The following GABRR2 variants were observed in gnomAD, a reference collection of about 807,000 sequenced individuals.
The protein encoded by GABRR2 is gamma-aminobutyric acid type A receptor subunit rho2.
A neutral mutation model predicts 47.0 loss-of-function variants in GABRR2; 36 were observed. The ratio of observed to expected loss-of-function variants is 0.77; its 90% CI spans 0.59 to 1.01. GABRR2 has a LOEUF of 1.01. Among genes scored for constraint, GABRR2 ranks in the 50% least tolerant of loss-of-function variants. GABRR2 has a pLI of 0.00. For synonymous variants in GABRR2, 204 were observed against 227.5 expected (o/e 0.90, Z 0.93); for missense variants, 587 against 594.6 (o/e 0.99, Z 0.13).
intron 1 of GABRR2, among the ~76,000 whole-genome samples, chr6:89,304,281 A>G (rs1359692607): frequency 1.3e-5 from 2 of 152,226 alleles, no homozygotes; most frequent in Non-Finnish European, 2.9e-5. Context: ...AAAAGTAGGC[A>G]AAAAGTGGGC....
chr6:89,295,729 T>C (rs968444029), intron 2 of GABRR2, among the ~76,000 whole-genome samples: 2 of 152,106 alleles, frequency 1.3e-5, no homozygotes, highest in East Asian at 3.9e-4. Context: ...TGGTATTGCC[T>C]AGGTTTTCTT....
chr6:89,269,260 C>G (rs777756660), intron 3 of GABRR2, 26 bp from the exon 4 acceptor site: 1 of 1,578,600 alleles, frequency 6.3e-7, no homozygotes, highest in South Asian at 1.1e-5. Flanking sequence ...TGAGACCAGA[C>G]AAAAATGGCT....
At position 89,264,546 on chromosome 6, in the gene GABRR2, C is replaced by T. The variant is rs760231917; in HGVS notation, c.952G>A (p.Val318Ile). The change falls in exon 8 of 9, where the codon GTC becomes ATC. Residue 318 changes from valine (V) to isoleucine (I), a missense_variant. Physicochemically the swap from Val to Ile is conservative, Grantham distance 29. Coordinates refer to ENST00000402938, the MANE Select transcript of GABRR2 (RefSeq NM_002043.5). ...ITGVNASMPR[V>I]SYVKAVDIYL... ...ATGTCCACGGCCTTGACGTAGGAGA[C>T]GCGCGGCATGGAGGCATTCACGCCC... The T allele has an allele frequency of 2.2e-5, 35 of 1,613,986 alleles. No homozygotes were observed. The East Asian group carries it at 3.3e-4, about 15-fold the overall frequency.
At chr6:89,314,247 G>A (rs1039173061) in intron 1 of GABRR2, among the ~76,000 whole-genome samples, 2 of 152,208 alleles carry the variant, frequency 1.3e-5, no homozygotes, top group African/African-American at 2.4e-5. Context: ...CTGATGCTTA[G>A]TAGAATGGAA....
chr6:89,296,130 A>G (rs113876548), intron 2 of GABRR2, among the ~76,000 whole-genome samples: 8 of 152,354 alleles, frequency 5.3e-5, no homozygotes, highest in African/African-American at 1.7e-4. Flanking sequence ...CTGTCTGTGC[A>G]GCCTCCTTTC....
At chr6:89,310,338 C>T (rs1320753248) in intron 1 of GABRR2, among the ~76,000 whole-genome samples, 2 of 152,152 alleles carry the variant, frequency 1.3e-5, no homozygotes, top group East Asian at 3.9e-4. Flanking sequence ...CAGCTGCAGA[C>T]AGGAAGGTCC....
At chr6:89,283,542 A>T (rs1007588258) in intron 2 of GABRR2, among the ~76,000 whole-genome samples, 1 of 152,248 alleles carries the variant, frequency 6.6e-6, no homozygotes, top group Non-Finnish European at 1.5e-5. Flanking sequence ...TGTATAGTAC[A>T]ATAACAACGA....
At chr6:89,307,965 C>A (rs1056705799) in intron 1 of GABRR2, among the ~76,000 whole-genome samples, 1 of 151,872 alleles carries the variant, frequency 6.6e-6, no homozygotes, top group African/African-American at 2.4e-5. Flanking sequence ...TACAGGCACC[C>A]GCCACCACAC....
At chr6:89,284,549 A>G (rs375360116) in intron 2 of GABRR2, among the ~76,000 whole-genome samples, 1 of 152,218 alleles carries the variant, frequency 6.6e-6, no homozygotes, top group East Asian at 1.9e-4. Flanking sequence ...GGTCAGAGTG[A>G]TGCCATGTTT....
rs779508543 is a variant in GABRR2, at chr6:89,257,850, T to A, written c.1218A>T (p.Lys406Asn). ...CACTCAGGCCCAGGTGGACCACTAT[T>A]TTGTCTTGCCTTTCTTCTTCTGTCA... ...HILTEEERQDKIVVHLGLSGE... is the reference protein window; with the variant it reads ...HILTEEERQDNIVVHLGLSGE... The change falls in exon 9 of 9, where the codon AAA (lysine) becomes AAT (asparagine). Residue 406 changes from lysine (K) to asparagine (N), a missense_variant. Coordinates refer to ENST00000402938, the MANE Select transcript of GABRR2 (RefSeq NM_002043.5). 2.5e-6 allele frequency: 4 copies of A among 1,614,066 alleles called. No homozygotes were observed. The highest frequency in any genetic ancestry group is 1.6e-4 in the Middle Eastern group (1 of 6,062).
intron 2 of GABRR2, among the ~76,000 whole-genome samples, chr6:89,283,755 C>G (rs1301551342): frequency 6.6e-6 from 1 of 152,168 alleles, no homozygotes; most frequent in African/African-American, 2.4e-5. Flanking sequence ...GCGTTTGGAA[C>G]CAAGAGCTCC....
chr6:89,290,541 G>A (rs1246547704), intron 2 of GABRR2, among the ~76,000 whole-genome samples: 1 of 152,218 alleles, frequency 6.6e-6, no homozygotes, highest in South Asian at 2.1e-4. Flanking sequence ...AAGTGTGGCC[G>A]GGAAGGGCAG....
intron 2 of GABRR2, among the ~76,000 whole-genome samples, chr6:89,292,194 G>A (rs939909644): frequency 4.6e-5 from 7 of 151,378 alleles, no homozygotes; most frequent in African/African-American, 1.5e-4. Context: ...CAAACTCCTT[G>A]GATATATTTC....
intron 1 of GABRR2, among the ~76,000 whole-genome samples, chr6:89,309,764 G>A (rs1039930982): frequency 6.6e-6 from 1 of 150,962 alleles, no homozygotes; most frequent in African/African-American, 2.5e-5. Context: ...TAGCACCCAT[G>A]CTTCTTCTTC....
chr6:89,314,527 T>C (rs1767730722), intron 1 of GABRR2, among the ~76,000 whole-genome samples: 1 of 152,234 alleles, frequency 6.6e-6, no homozygotes, highest in African/African-American at 2.4e-5. Context: ...ATTAAGCAAA[T>C]TTCTGAACAC....
chr6:89,280,978 G>C (rs1426527022), intron 2 of GABRR2, among the ~76,000 whole-genome samples: 1 of 152,184 alleles, frequency 6.6e-6, no homozygotes, highest in African/African-American at 2.4e-5. Flanking sequence ...ATGAATTGAA[G>C]CAAAAATAAG....
intron 2 of GABRR2, among the ~76,000 whole-genome samples, chr6:89,285,195 A>G (rs1277686696): frequency 1.3e-5 from 2 of 152,200 alleles, no homozygotes; most frequent in Non-Finnish European, 2.9e-5. Context: ...GCTTCTCCCC[A>G]TGGGATAGCC....
chr6:89,262,155 T>A (rs1324547619), intron 8 of GABRR2, among the ~76,000 whole-genome samples: 1 of 152,152 alleles, frequency 6.6e-6, no homozygotes, highest in Non-Finnish European at 1.5e-5. Context: ...TTTAGTAACC[T>A]TCTCTTGATA....
intron 2 of GABRR2, among the ~76,000 whole-genome samples, chr6:89,282,946 T>C (rs963928149): frequency 1.2e-4 from 19 of 152,238 alleles, no homozygotes; most frequent in Non-Finnish European, 8.8e-5. Context: ...CGGTGCCGAC[T>C]CCATCCTGTG....
Sources: gnomAD v4.1 joint callset for allele counts (sites outside exome capture counted in the v4.1 genomes callset) on GRCh38, gnomAD v4.1.1 for gene constraint, MANE v1.5 for transcripts, NCBI Gene and HGNC (gene_info 2026-07-23, HGNC 2026-07-21) for gene names.